Variants in TRPM4 observed in about 807,000 individuals in gnomAD.
The protein encoded by TRPM4 is calcium-activated non-selective cation channel 1.
In TRPM4, 124 loss-of-function variants were observed where a neutral mutation model predicts 135.6. That is an observed-to-expected ratio of 0.91 (90% CI 0.79 to 1.06). The LOEUF (loss-of-function observed/expected upper bound fraction) is 1.06. TRPM4 is among the 50% of genes least tolerant of loss of function. The pLI is 0.00. For missense variants in TRPM4, 1,658 were observed against 1,671.4 expected, an observed-to-expected ratio of 0.99 and a Z score of 0.14; for synonymous variants, 745 against 705.6, an observed-to-expected ratio of 1.06 and a Z score of -0.88.
rs1333066327 is a variant in TRPM4 at position 49,171,909 on chromosome 19, A to C, written c.1051-100A>C. 7.3e-7 allele frequency: 1 copy of C among 1,361,166 alleles called. No individual in the cohort carries two copies. Among genetic ancestry groups the C allele is most frequent in the Admixed American group, 1.7e-5 (1 of 58,556 alleles). 84.3% of individuals were successfully genotyped at this position (1,361,166 alleles called of 1,614,324 possible). A position where few individuals can be genotyped will look rare whatever the true frequency, so the allele number is the denominator to read the frequency against. The stretch of plus-strand genomic sequence containing the variant: ...GAGGGTGCTGGGCATATAGACTATT[A>C]GGTCCTGGAGGGGAATGGCCTCCTC... On this transcript the variant is annotated intron_variant, in intron 8 of 24. Coordinates refer to ENST00000252826, the MANE Select transcript of TRPM4 (RefSeq NM_017636.4). This position sits in a 1 kb window ranked among gnomAD's most constrained non-coding sequence, Gnocchi z 4.7.
At chr19:49,158,420 T>C (rs1241788440) in intron 2 of TRPM4, 161 bp downstream of exon 2, 1 of 722,870 alleles carries the variant, frequency 1.4e-6, no homozygotes, top group Non-Finnish European at 2.5e-6. Flanking sequence ...CGTTTGGGTC[T>C]GTGTAGACAC....
At chr19:49,203,385 T>C (rs535540773) in intron 20 of TRPM4, among the ~76,000 whole-genome samples, 16 of 152,126 alleles carry the variant, frequency 1.1e-4, no homozygotes, top group Non-Finnish European at 1.3e-4. Flanking sequence ...TTCACCGTGT[T>C]AGCCAGGATG....
Position 49,210,516 on chromosome 19 carries a change from G to T in TRPM4, c.3328+111G>T. On this transcript the variant is annotated intron_variant, in intron 21 of 24. Coordinates refer to ENST00000252826, the MANE Select transcript of TRPM4 (RefSeq NM_017636.4). This position sits in a 1 kb window ranked among gnomAD's most constrained non-coding sequence, Gnocchi z 4.1. ...CTAACGGGCGTGGCTTAGGTAGCGA[G>T]GGGCGGGGTTTAAGCAACAAGGGGC... 1 of 1,463,488 alleles carries T rather than the reference G, an allele frequency of 6.8e-7. No individual in the cohort carries two copies. The highest frequency in any genetic ancestry group is 9.4e-7 in the Non-Finnish European group (1 of 1,068,972). The allele number at this position is 1,463,488 out of a possible 1,614,324, so 90.7% of individuals were successfully genotyped here. A position where few individuals can be genotyped will look rare whatever the true frequency, so the allele number is the denominator to read the frequency against.
At chr19:49,184,095 C>T (rs575259399) in intron 12 of TRPM4, among the ~76,000 whole-genome samples, 1 of 152,144 alleles carries the variant, frequency 6.6e-6, no homozygotes, top group Admixed American at 6.6e-5. Context: ...CCTTGAGCTT[C>T]CTGGATGTGT....
intron 16 of TRPM4, 99 bp from the exon 17 acceptor site, chr19:49,196,341 C>T: frequency 8.7e-7 from 1 of 1,148,592 alleles, no homozygotes; most frequent in East Asian, 2.6e-5. Context: ...TCGGGTCAGG[C>T]AGGGTGAGAT....
At chr19:49,200,121 G>A (rs1248637827) in intron 17 of TRPM4, among the ~76,000 whole-genome samples, 179 bp from the exon 18 acceptor site, 1 of 152,200 alleles carries the variant, frequency 6.6e-6, no homozygotes, top group African/African-American at 2.4e-5. Flanking sequence ...ATGGGTGCCA[G>A]GGCCCTGCAT....
chr19:49,168,781 G>T, intron 6 of TRPM4, 45 bp downstream of exon 6: 2 of 1,547,628 alleles, frequency 1.3e-6, no homozygotes. Flanking sequence ...CCCACAACCT[G>T]CAACCCCAGC....
chr19:49,200,502 C>A, intron 18 of TRPM4, 70 bp downstream of exon 18: 2 of 1,584,402 alleles, frequency 1.3e-6, no homozygotes, highest in Admixed American at 1.7e-5. Flanking sequence ...GGGAGTGGTC[C>A]GTGGAGAAGG....
At chr19:49,164,968 C>T (rs913992093) in intron 2 of TRPM4, among the ~76,000 whole-genome samples, 2 of 151,730 alleles carry the variant, frequency 1.3e-5, no homozygotes, top group Non-Finnish European at 2.9e-5. Context: ...GTCTCGAACT[C>T]CTGGGTTCAG....
intron 2 of TRPM4, among the ~76,000 whole-genome samples, chr19:49,165,714 T>C (rs900254963): frequency 6.6e-6 from 1 of 152,108 alleles, no homozygotes; most frequent in Non-Finnish European, 1.5e-5. Flanking sequence ...CGTCATGTGT[T>C]TGGATGGGGG....
At chr19:49,188,188 A>G (rs1968268064) in intron 12 of TRPM4, among the ~76,000 whole-genome samples, 1 of 152,204 alleles carries the variant, frequency 6.6e-6, no homozygotes, top group Admixed American at 6.5e-5. Context: ...TCCCAAAGTT[A>G]GTTCAGCCTA....
rs2122985129 is a variant in TRPM4 at position 49,188,927 on chromosome 19, A to G, written c.1874-19A>G. ...TACTCCTTCCCATCCCTGTCACATA[A>G]CTAACTCCTCTGCCCCAGACCTCTT... On this transcript the variant is annotated intron_variant, in intron 13 of 24. Transcript: ENST00000252826. 5 of 1,613,900 alleles carry G rather than the reference A, an allele frequency of 3.1e-6. No homozygotes were observed. Among genetic ancestry groups the G allele is most frequent in the Non-Finnish European group, 4.2e-6 (5 of 1,179,982 alleles).
In TRPM4 at chr19:49,196,478, C is replaced by A. The variant is rs776873603; in HGVS notation, c.2249C>A (p.Pro750Gln). 2.6e-6 allele frequency: 4 copies of A among 1,554,474 alleles called. No homozygotes were observed. The highest frequency in any genetic ancestry group is 3.5e-6 in the Non-Finnish European group (4 of 1,153,236). Residue 750 changes from proline (P) to glutamine (Q), a missense_variant, in exon 17 of 25, where the codon CCG (proline) becomes CAG (glutamine). Transcript: ENST00000252826. ...DPAEKTPLGV[P>Q]RQSGRPGCCG... is the part of the protein sequence containing the mutation. ...GCCGAGAAGACGCCGCTGGGGGTCC[C>A]GCGCCAGTCGGGCCGTCCGGGTTGC...
chr19:49,170,838 T>C (rs539169413), intron 6 of TRPM4, among the ~76,000 whole-genome samples: 7 of 152,222 alleles, frequency 4.6e-5, no homozygotes, highest in African/African-American at 1.7e-4. Context: ...TCCCAGCACT[T>C]TGGGAGGCCA....
At chr19:49,196,322 G>T in intron 16 of TRPM4, 118 bp from the exon 17 acceptor site, 2 of 934,354 alleles carry the variant, frequency 2.1e-6, no homozygotes, top group African/African-American at 1.7e-5. Flanking sequence ...GCTCTGGGCA[G>T]ACTGAGTTTC....
At position 49,200,665 on chromosome 19, in the gene TRPM4, G is replaced by T. The variant is rs1353482428; in HGVS notation, c.2833G>T (p.Gly945Cys). ...FFLGVWLVAY[G>C]VATEGLLRPR... ...CCTCGGCGTGTGGCTGGTAGCCTAT[G>T]GCGTGGCCACGGAGGGGCTCCTGAG... The change falls in exon 19 of 25, where the codon GGC becomes TGC. Residue 945 changes from glycine (G) to cysteine (C), a missense_variant. Gly to Cys is a radical substitution (Grantham distance 159). Around this residue, in one of 3 missense-constraint regions of TRPM4, gnomAD observed 1,412 missense variants for 1,408.7 expected, o/e 1.00. Transcript: ENST00000252826. 1 of 1,613,988 alleles carries T rather than the reference G, an allele frequency of 6.2e-7. No individual in the cohort carries two copies. Among genetic ancestry groups the T allele is most frequent in the East Asian group, 2.2e-5 (1 of 44,878 alleles).
intron 14 of TRPM4, among the ~76,000 whole-genome samples, chr19:49,189,459 T>C (rs932299302): frequency 5.9e-5 from 9 of 152,086 alleles, no homozygotes; most frequent in Non-Finnish European, 1.2e-4. Context: ...TCCTACGGCA[T>C]CCACAGGAAG....
intron 2 of TRPM4, among the ~76,000 whole-genome samples, chr19:49,161,264 G>A (rs1600387891): frequency 6.7e-6 from 1 of 149,390 alleles, no homozygotes; most frequent in African/African-American, 2.5e-5. Flanking sequence ...GTGTGCGTGT[G>A]TTTGTGTGTG....
rs533765591 is a variant in TRPM4, at chr19:49,167,840, G to A, written c.268-77G>A. Reference sequence around the variant, plus strand: ...CCCGTCTCTCTGGGTCTCTGTCCCCGTCTCTCTGGGTCTCTGTCCCCGTCT... The same window carrying A: ...CCCGTCTCTCTGGGTCTCTGTCCCCATCTCTCTGGGTCTCTGTCCCCGTCT... On this transcript the variant is annotated intron_variant, in intron 3 of 24. Transcript: ENST00000252826. The A allele has an allele frequency of 7.9e-5, 98 of 1,234,282 alleles. 7 individuals carry two copies. The highest frequency in any genetic ancestry group is 6.8e-4 in the African/African-American group (30 of 44,402). 76.5% of individuals were successfully genotyped at this position (1,234,282 alleles called of 1,614,324 possible).
Sources: gnomAD v4.1 joint callset for allele counts (sites outside exome capture counted in the v4.1 genomes callset) on GRCh38, gnomAD v4.1.1 for gene constraint, gnomAD v4.1.1 regional missense constraint, Gnocchi (gnomAD v3.1) non-coding constraint, MANE v1.5 for transcripts, NCBI Gene and HGNC (gene_info 2026-07-23, HGNC 2026-07-21) for gene names.